Variants in PDE6B observed in about 807,000 individuals in gnomAD.
The protein encoded by PDE6B is phosphodiesterase 6B.
In PDE6B, 106 loss-of-function variants were observed where a neutral mutation model predicts 109.0. The observed-to-expected ratio is 0.97, with a 90% confidence interval of 0.83 to 1.14. The LOEUF (loss-of-function observed/expected upper bound fraction) is 1.14, where lower values mean the gene tolerates loss of function less well. PDE6B is among the 50% of genes most tolerant of loss of function. The pLI, the probability that PDE6B is intolerant of heterozygous loss-of-function variation, is 0.00. For synonymous variants in PDE6B, 490 were observed against 471.3 expected, an observed-to-expected ratio of 1.04 and a Z score of -0.51; for missense variants, 1,193 against 1,155.6, an observed-to-expected ratio of 1.03 and a Z score of -0.47.
chr4:628,492 A>G (rs1450926245), intron 1 of PDE6B, among the ~76,000 whole-genome samples: 3 of 152,146 alleles, frequency 2.0e-5, no homozygotes, highest in Non-Finnish European at 4.4e-5. Flanking sequence ...CCCTGTTTAC[A>G]TTGGGGAACT....
chr4:639,111 C>A (rs1017777313), intron 3 of PDE6B, among the ~76,000 whole-genome samples: 3 of 151,810 alleles, frequency 2.0e-5, no homozygotes, highest in African/African-American at 7.3e-5. Context: ...GGAAAGGCAC[C>A]GTGATTCTGG....
chr4:635,337 CCTTA>C (rs1244691346), intron 2 of PDE6B, among the ~76,000 whole-genome samples: 4 of 124,516 alleles, frequency 3.2e-5, no homozygotes, highest in African/African-American at 1.0e-4. Flanking sequence ...GCGTCCACCT[CCTTA>C]CCTGCCTGCC....
At chr4:660,687 G>A in intron 12 of PDE6B, 74 bp downstream of exon 12, 2 of 1,322,996 alleles carry the variant, frequency 1.5e-6, no homozygotes, top group Non-Finnish European at 2.2e-6. Context: ...TGTGATCAGG[G>A]CCTCAGGTGC....
rs1737521720 is a variant in PDE6B at position 664,292 on chromosome 4, A to G, written c.2129+71A>G. 2.4e-5 allele frequency: 21 copies of G among 868,940 alleles called. No individual in the cohort carries two copies. The South Asian group carries it at 2.8e-4, about 11-fold the overall frequency. The allele number at this position is 868,940 out of a possible 1,614,324, so 53.8% of individuals were successfully genotyped here. A position where few individuals can be genotyped will look rare whatever the true frequency, so the allele number is the denominator to read the frequency against. On this transcript the variant is annotated intron_variant, in intron 17 of 21. Coordinates refer to ENST00000496514, the MANE Select transcript of PDE6B (RefSeq NM_000283.4). ...ACCGGGCCCACTCACCAGCTGGTTA[A>G]CCCTGCAGCCCTCCCCAGACGCTCT...
chr4:669,553 GCCATGCTATTCCCACTACC>G (rs1560143483), intron 21 of PDE6B, among the ~76,000 whole-genome samples: 244 of 13,918 alleles, frequency 0.018, 1 homozygote, highest in Middle Eastern at 0.25. Flanking sequence ...TTCCCGCTAC[GCCATGCTATTCCCACTACC>G]CCATGCTATT....
chr4:658,524 G>A (rs912775099), intron 10 of PDE6B, among the ~76,000 whole-genome samples: 4 of 151,978 alleles, frequency 2.6e-5, no homozygotes, highest in African/African-American at 7.3e-5. Flanking sequence ...TGCAGTGGGC[G>A]GCCAGGTTAC....
In PDE6B at chr4:633,167, G is replaced by A. The variant is rs746374799; in HGVS notation, c.469-1510G>A. On this transcript the variant is annotated intron_variant, in intron 1 of 21. Transcript: ENST00000496514. This position sits in a 1 kb window ranked among gnomAD's most constrained non-coding sequence, Gnocchi z 4.5. ...ACAGGTGCAGAGATGAGCCCTCGGG[G>A]GACGCAGGTGCAGAGATGAGCCCTC... 1.1e-4 allele frequency among the ~76,000 whole-genome samples: 17 copies of A among 152,162 alleles called. No individual in the cohort carries two copies. The highest frequency in any genetic ancestry group is 2.9e-4 in the African/African-American group (12 of 41,514).
chr4:657,603 C>T (rs985144038), intron 10 of PDE6B, 109 bp downstream of exon 10: 1 of 1,105,346 alleles, frequency 9.0e-7, no homozygotes, highest in Admixed American at 1.8e-5. Flanking sequence ...GGGGGCAGGT[C>T]ATCCAGGGGT....
chr4:667,960 G>A lies in PDE6B; in HGVS notation c.2457G>A (p.Lys819=). The A allele has an allele frequency of 6.2e-7, 1 of 1,613,348 alleles. No individual in the cohort carries two copies. The change falls in exon 21 of 22, where the codon AAG becomes AAA. Residue 819 remains lysine (K), a synonymous_variant. Transcript: ENST00000496514. ...ALADEYEAKV[K]ALEEKEEEER... is the part of the protein sequence containing the mutation. ...CTGATGAGTATGAGGCCAAAGTGAA[G>A]GCTCTGGAGGAGAAGGAGGAGGAGG...
rs752986583 is a variant in PDE6B, at chr4:625,809, G to A, written c.183G>A (p.Glu61=). The A allele has an allele frequency of 3.7e-6, 6 of 1,613,176 alleles. No homozygotes were observed. The highest frequency in any genetic ancestry group is 5.1e-6 in the Non-Finnish European group (6 of 1,179,950). ...CQVEESTALL[E]LVQDMQESIN... ...TGGAGGAGAGCACGGCGCTGCTGGA[G>A]CTGGTGCAGGATATGCAGGAGAGCA... is the stretch of plus-strand genomic sequence containing the variant. The change falls in exon 1 of 22, where the codon GAG becomes GAA. Residue 61 remains glutamate (E), a synonymous_variant. Transcript: ENST00000496514. This position sits in a 1 kb window ranked among gnomAD's most constrained non-coding sequence, Gnocchi z 5.0.
At chr4:664,556 C>A (rs1737558216) in intron 17 of PDE6B, among the ~76,000 whole-genome samples, 1 of 152,184 alleles carries the variant, frequency 6.6e-6, no homozygotes, top group African/African-American at 2.4e-5. Flanking sequence ...TGAGAAAATA[C>A]ACATAAACCC....
chr4:657,036 GC>G lies in PDE6B; in HGVS notation c.1257+14del. The G allele has an allele frequency of 6.2e-7, 1 of 1,612,548 alleles. No individual in the cohort carries two copies. The highest frequency in any genetic ancestry group is 8.5e-7 in the Non-Finnish European group (1 of 1,179,580). ...GGTTCTCATGGAGGTAAGCACCTGG[GC>G]AGACGTGGTTCCGCCGGGGATGCCC... On this transcript the variant is annotated intron_variant, in intron 9 of 21. Transcript: ENST00000496514.
intron 1 of PDE6B, among the ~76,000 whole-genome samples, chr4:630,784 G>A (rs994739682): frequency 1.9e-4 from 29 of 152,354 alleles, no homozygotes; most frequent in African/African-American, 7.0e-4. Flanking sequence ...GTTCCTCTCG[G>A]TCCTAAGGGT....
At chr4:652,343 T>A (rs1055937768) in intron 3 of PDE6B, 7 of 184,170 alleles carry the variant, frequency 3.8e-5, no homozygotes, top group Non-Finnish European at 7.2e-5. Context: ...AGCTAGGATC[T>A]CACTCACATG....
In PDE6B at chr4:645,290, AT is replaced by A. The variant is rs530937075; in HGVS notation, c.712-8539del. ...CAAGTGGTGTATTTAGGCTAGTCACATTTTTTTTTTTTTTTTTTTTTTTGAG... is the reference window on the plus strand; with the variant it reads ...CAAGTGGTGTATTTAGGCTAGTCACATTTTTTTTTTTTTTTTTTTTTTGAG... On this transcript the variant is annotated intron_variant, in intron 3 of 21. Coordinates refer to ENST00000496514, the MANE Select transcript of PDE6B (RefSeq NM_000283.4). 5.6e-3 allele frequency among the ~76,000 whole-genome samples: 664 copies of A among 117,760 alleles called. 3 individuals are homozygous for A. Among genetic ancestry groups the A allele is most frequent in the East Asian group, 0.019 (77 of 4,082 alleles). 77.3% of individuals were successfully genotyped at this position (117,760 alleles called of 152,430 possible). A position where few individuals can be genotyped will look rare whatever the true frequency, so the allele number is the denominator to read the frequency against.
At chr4:656,568 C>T (rs1251095116) in intron 8 of PDE6B, among the ~76,000 whole-genome samples, 22 of 151,812 alleles carry the variant, frequency 1.4e-4, no homozygotes, top group Admixed American at 7.9e-4. Flanking sequence ...CCTGCGAGGC[C>T]GTGACCGCGG....
intron 1 of PDE6B, among the ~76,000 whole-genome samples, chr4:629,266 C>A (rs1048134158): frequency 6.6e-6 from 1 of 152,182 alleles, no homozygotes; most frequent in Non-Finnish European, 1.5e-5. Flanking sequence ...GCCGCCCACA[C>A]CTGATGAGGG....
intron 1 of PDE6B, 90 bp from the exon 2 acceptor site, chr4:634,587 C>T: frequency 1.9e-6 from 2 of 1,074,344 alleles, no homozygotes; most frequent in Non-Finnish European, 2.9e-6. Context: ...AGGGCAGCAG[C>T]CCCCACAGAG....
chr4:641,844 A>G (rs1253044589), intron 3 of PDE6B, among the ~76,000 whole-genome samples: 1 of 151,920 alleles, frequency 6.6e-6, no homozygotes, highest in East Asian at 2.0e-4. Context: ...ATGGGGTTTC[A>G]CCATGTTGGC....
Sources: allele counts gnomAD v4.1 joint callset (sites outside exome capture counted in the v4.1 genomes callset), GRCh38; gene constraint gnomAD v4.1.1; non-coding constraint Gnocchi (gnomAD v3.1); transcripts MANE v1.5; gene names NCBI Gene and HGNC (gene_info 2026-07-23, HGNC 2026-07-21).